Variants in BANP observed in about 807,000 individuals in gnomAD.
The protein encoded by BANP is BTG3 associated nuclear protein, also known as protein BANP.
A neutral mutation model predicts 68.1 loss-of-function variants in BANP; 11 were observed. That is an observed-to-expected ratio of 0.16 (90% CI 0.10 to 0.27). The LOEUF is 0.27. BANP is among the 10% of genes least tolerant of loss of function. BANP has a pLI of 1.00. For missense variants in BANP, 504 were observed against 722.7 expected (o/e 0.70, Z 3.47); for synonymous variants, 329 against 303.2 (o/e 1.09, Z -0.88).
chr16:88,038,136 C>G, intron 11 of BANP, 125 bp downstream of exon 11: 5 of 227,416 alleles, frequency 2.2e-5, no homozygotes, highest in South Asian at 8.8e-5. Flanking sequence ...ATTGCGCTGC[C>G]GAGGGGTGGG....
At chr16:87,959,614 C>T (rs1840119525) in intron 1 of BANP, among the ~76,000 whole-genome samples, 1 of 152,224 alleles carries the variant, frequency 6.6e-6, no homozygotes, top group African/African-American at 2.4e-5. Context: ...CCATGGTCTT[C>T]CTGCTGCAGC....
chr16:88,001,915 A>AAAAAAAC (rs1450091075), intron 4 of BANP, among the ~76,000 whole-genome samples: 3 of 100 alleles, frequency 0.03, no homozygotes, highest in Admixed American at 0.1. Flanking sequence ...CTAAGTGCTA[A>AAAAAAAC]AAAAAAACAA....
chr16:87,977,962 A>T (rs952891615), intron 2 of BANP, among the ~76,000 whole-genome samples: 11 of 151,972 alleles, frequency 7.2e-5, no homozygotes, highest in African/African-American at 2.7e-4. Context: ...CAGCCTCCCA[A>T]GTAGCTGGGA....
chr16:88,033,821 C>T (rs1011945895), intron 9 of BANP, among the ~76,000 whole-genome samples: 9 of 152,192 alleles, frequency 5.9e-5, no homozygotes, highest in African/African-American at 1.7e-4. Flanking sequence ...CAGCCTGATG[C>T]GCCTAGGGGC....
At chr16:88,009,284 G>C (rs79294405) in intron 6 of BANP, among the ~76,000 whole-genome samples, 2,411 of 152,292 alleles carry the variant, frequency 0.016, 64 homozygotes, top group African/African-American at 0.052. Flanking sequence ...AAGTGCTAAA[G>C]GGGGTGTGCT....
Position 87,975,104 on chromosome 16 carries a change from T to G in BANP, c.-12T>G, listed in dbSNP as rs1465454406. ...ACTCTTTCGTGTTGACCGGCCACTC[T>G]CCGTGCTCTGGATGATGTCGGAACA... On this transcript the variant is annotated 5_prime_UTR_variant, in exon 2 of 14. Coordinates refer to ENST00000682872, the MANE Select transcript of BANP (RefSeq NM_001386991.1). The G allele has an allele frequency of 6.4e-7, 1 of 1,559,838 alleles. No individual in the cohort carries two copies. The highest frequency in any genetic ancestry group is 8.8e-7 in the Non-Finnish European group (1 of 1,139,046).
chr16:88,045,943 C>T (rs1032667059), intron 11 of BANP, among the ~76,000 whole-genome samples: 3 of 152,214 alleles, frequency 2.0e-5, no homozygotes, highest in Admixed American at 6.5e-5. Flanking sequence ...AGTTGGTGGG[C>T]TTCGCTGGGC....
At chr16:88,037,329 T>C (rs2079609686) in intron 10 of BANP, 1 of 152,296 alleles carries the variant, frequency 6.6e-6, no homozygotes, top group African/African-American at 2.4e-5. Flanking sequence ...AAGTTAGAAA[T>C]TGCTAATAAT....
chr16:87,962,681 C>A (rs1218693571), intron 1 of BANP, among the ~76,000 whole-genome samples: 4 of 152,182 alleles, frequency 2.6e-5, no homozygotes. Flanking sequence ...ATTTGGGGGG[C>A]CATCTTAAAG....
chr16:87,951,372 C>T (rs2056805816), upstream of BANP: 1 of 151,854 alleles, frequency 6.6e-6, no homozygotes, highest in Admixed American at 6.6e-5. Context: ...CCCGCGCGCC[C>T]AGTGAGCCTG....
chr16:87,956,137 G>A (rs371186774), intron 1 of BANP, among the ~76,000 whole-genome samples: 5 of 152,282 alleles, frequency 3.3e-5, no homozygotes, highest in African/African-American at 1.2e-4. Flanking sequence ...CAGTGATACT[G>A]TACAAATCCC....
chr16:88,018,882 C>A lies in BANP; in HGVS notation c.895+215C>A, dbSNP rs939233898. On this transcript the variant is annotated intron_variant, in intron 7 of 13. Transcript: ENST00000682872. This position sits in a 1 kb window ranked among gnomAD's most constrained non-coding sequence, Gnocchi z 7.7. ...CGCACGGCATGCCCGCACCAAAATA[C>A]CTCATATACCCCATCATATATATAC... Among the ~76,000 whole-genome samples the A allele has an allele frequency of 2.0e-5, 3 of 152,208 alleles. No individual in the cohort carries two copies. Among genetic ancestry groups the A allele is most frequent in the Non-Finnish European group, 4.4e-5 (3 of 68,032 alleles).
chr16:87,997,981 A>G (rs1168249119), intron 4 of BANP, among the ~76,000 whole-genome samples: 1 of 152,168 alleles, frequency 6.6e-6, no homozygotes, highest in Admixed American at 6.5e-5. Flanking sequence ...AGAACATTCT[A>G]GGCTGTCTTT....
At chr16:88,013,516 A>G (rs1218196499) in intron 6 of BANP, among the ~76,000 whole-genome samples, 1 of 152,156 alleles carries the variant, frequency 6.6e-6, no homozygotes, top group African/African-American at 2.4e-5. Context: ...CGCACCCACT[A>G]GAGCTCAGCC....
rs1264874674 is a variant in BANP at position 88,064,076 on chromosome 16, G to C, written c.1312-1191G>C. On this transcript the variant is annotated intron_variant, in intron 11 of 13. Coordinates refer to ENST00000682872, the MANE Select transcript of BANP (RefSeq NM_001386991.1). The surrounding 1 kb of genome is among the most constrained non-coding windows in gnomAD (Gnocchi z 4.5). The stretch of plus-strand genomic sequence containing the variant: ...AGGCACAGACATTGTTGCTGCCTTG[G>C]AACAAGGTGTGGGGGCCAACCACAA... Among the ~76,000 whole-genome samples, 1 of 152,138 alleles carries C rather than the reference G, an allele frequency of 6.6e-6. No homozygotes were observed. Among genetic ancestry groups the C allele is most frequent in the Non-Finnish European group, 1.5e-5 (1 of 68,034 alleles).
chr16:87,984,331 C>T (rs901088258), intron 4 of BANP, 72 bp downstream of exon 4: 79 of 1,367,142 alleles, frequency 5.8e-5, no homozygotes, highest in Non-Finnish European at 7.5e-5. Context: ...CGCCCAGGCC[C>T]GCAGCTTAGT....
chr16:87,990,421 A>T (rs1203516606), intron 4 of BANP, among the ~76,000 whole-genome samples: 2 of 152,162 alleles, frequency 1.3e-5, no homozygotes, highest in East Asian at 3.9e-4. Context: ...TGGATAATTG[A>T]ATATTTGTTG....
At chr16:88,053,396 C>G (rs1250616746) in intron 11 of BANP, among the ~76,000 whole-genome samples, 2 of 151,684 alleles carry the variant, frequency 1.3e-5, no homozygotes, top group African/African-American at 4.9e-5. Context: ...ACTATCATCA[C>G]CATCACCAAC....
At chr16:88,040,709 G>C (rs573763130) in intron 11 of BANP, among the ~76,000 whole-genome samples, 44 of 152,342 alleles carry the variant, frequency 2.9e-4, no homozygotes, top group African/African-American at 9.1e-4. Flanking sequence ...TCAGCTCCCC[G>C]TACTGTCCCG....
Sources: allele counts gnomAD v4.1 joint callset (sites outside exome capture counted in the v4.1 genomes callset), GRCh38; gene constraint gnomAD v4.1.1; non-coding constraint Gnocchi (gnomAD v3.1); transcripts MANE v1.5; gene names NCBI Gene and HGNC (gene_info 2026-07-23, HGNC 2026-07-21).